MEPE: variants seen among roughly 807,000 people sequenced by gnomAD.
MEPE encodes matrix extracellular phosphoglycoprotein, also known as matrix, extracellular phosphoglycoprotein with ASARM motif (bone).
Under a neutral mutation model 7.3 loss-of-function variants are expected in MEPE, and 7 were observed. The ratio of observed to expected loss-of-function variants is 0.95; its 90% confidence interval spans 0.54 to 1.79. The LOEUF is 1.79. MEPE is among the 40% of genes most tolerant of loss of function. The pLI is 0.00. For missense variants in MEPE, 623 were observed against 628.2 expected, an observed-to-expected ratio of 0.99 and a Z score of 0.09; for synonymous variants, 214 against 213.1, an observed-to-expected ratio of 1.00 and a Z score of -0.04.
chr4:87,840,134 T>C (rs1250904760), intron 3 of MEPE: 24 of 1,459,278 alleles, frequency 1.6e-5, no homozygotes, highest in Non-Finnish European at 2.0e-5. Flanking sequence ...TATTCTACCA[T>C]ATGCTCTGAT....
intron 3 of MEPE, chr4:87,839,875 C>G: frequency 1.9e-6 from 3 of 1,543,014 alleles, no homozygotes; most frequent in Non-Finnish European, 2.6e-6. Flanking sequence ...TTTGCTTGCT[C>G]TGGGGTTTCT....
chr4:87,832,750 A>G (rs1176474042), upstream of MEPE, among the ~76,000 whole-genome samples: 1 of 152,212 alleles, frequency 6.6e-6, no homozygotes, highest in Non-Finnish European at 1.5e-5. Flanking sequence ...CATGATGTCC[A>G]AACTGAGGTA....
rs1723249191 is a variant in MEPE at position 87,846,177 on chromosome 4, C to T, written c.1309C>T (p.Pro437Ser). ...TAGTAAGGGCAAAAGTCAGGGCCTG[C>T]CCATTCCTTCTCGTGGTCTTGATAA... ...FPSKGKSQGL[P>S]IPSRGLDNEI... is the part of the protein sequence containing the mutation. The change falls in exon 4 of 4, where the codon CCC (proline) becomes TCC (serine). Residue 437 changes from proline to serine, a missense_variant. By Grantham distance (74) the Pro-to-Ser change is moderately conservative (BLOSUM62 -1). Coordinates refer to ENST00000361056, the MANE Select transcript of MEPE (RefSeq NM_020203.6). 2 of 1,614,010 alleles carry T rather than the reference C, an allele frequency of 1.2e-6. No homozygotes were observed. Among genetic ancestry groups the T allele is most frequent in the Non-Finnish European group, 1.7e-6 (2 of 1,179,988 alleles).
chr4:87,823,620 A>G (rs1036159418), intron 1 of MEPE, among the ~76,000 whole-genome samples: 9 of 152,368 alleles, frequency 5.9e-5, no homozygotes, highest in African/African-American at 2.2e-4. Flanking sequence ...AGCAGTAAGA[A>G]AACAAATGTT....
In MEPE at chr4:87,845,515, T is replaced by C; in HGVS notation, c.647T>C (p.Ile216Thr). The change falls in exon 4 of 4, where the codon ATT (isoleucine) becomes ACT (threonine). Residue 216 changes from isoleucine (I) to threonine (T), a missense_variant. By Grantham distance (89) the Ile-to-Thr change is moderately conservative (BLOSUM62 -1). Coordinates refer to ENST00000361056, the MANE Select transcript of MEPE (RefSeq NM_020203.6). ...GTAAAAAGCAAAAGCACCCATCGTA[T>C]TCAACACAACATTGACTACCTAAAA... Reference protein sequence around the residue: ...SPVKSKSTHRIQHNIDYLKHL... With the variant: ...SPVKSKSTHRTQHNIDYLKHL... 1.9e-6 allele frequency: 3 copies of C among 1,613,172 alleles called. No homozygotes were observed. The highest frequency in any genetic ancestry group is 2.5e-6 in the Non-Finnish European group (3 of 1,179,796).
At position 87,825,764 on chromosome 4, in the gene MEPE, T is replaced by G. The variant is rs575578869; in HGVS notation, c.-13+4293T>G. Among the ~76,000 whole-genome samples, 3 of 152,294 alleles carry G rather than the reference T, an allele frequency of 2.0e-5. No homozygotes were observed. In the East Asian group the frequency reaches 5.8e-4, roughly 29 times the overall value. On this transcript the variant is annotated intron_variant, in intron 1 of 3. Transcript: ENST00000424957. ...GGGTTTGTTAACGCAGGTAAATGTG[T>G]GTCATGGTGATTTACTGCACAGTAC...
In MEPE at chr4:87,845,426, T is replaced by C. The variant is rs151139138; in HGVS notation, c.558T>C (p.Tyr186=). The C allele has an allele frequency of 1.4e-5, 22 of 1,613,886 alleles. No homozygotes were observed. Among genetic ancestry groups the C allele is most frequent in the Non-Finnish European group, 1.8e-5 (21 of 1,179,994 alleles). The change falls in exon 4 of 4, where the codon TAT becomes TAC. Residue 186 remains tyrosine (Y), a synonymous_variant. Coordinates refer to ENST00000361056, the MANE Select transcript of MEPE (RefSeq NM_020203.6). ...VLNIIPASMN[Y]AKAHSKDKKK... is the part of the protein sequence containing the mutation. ...ACATAATCCCAGCAAGTATGAATTA[T>C]GCTAAAGCACACTCGAAGGATAAAA...
At chr4:87,843,823 T>C (rs1454232999) in intron 3 of MEPE, among the ~76,000 whole-genome samples, 2 of 152,184 alleles carry the variant, frequency 1.3e-5, no homozygotes, top group African/African-American at 4.8e-5. Context: ...GCTTACACCG[T>C]CCACTACATA....
At position 87,846,411 on chromosome 4, in the gene MEPE, G is replaced by A. The variant is rs1723268942; in HGVS notation, c.1543G>A (p.Asp515Asn). The stretch of plus-strand genomic sequence containing the variant: ...AAGGGATGACAGTAGTGAGTCATCT[G>A]ACAGTGGCAGTTCAAGTGAGAGCGA... ...RRRDDSSESS[D>N]SGSSSESDGD The change falls in exon 4 of 4, where the codon GAC (aspartate) becomes AAC (asparagine). Residue 515 changes from aspartate (D) to asparagine (N), a missense_variant. Physicochemically the swap from Asp to Asn is conservative, Grantham distance 23. Coordinates refer to ENST00000361056, the MANE Select transcript of MEPE (RefSeq NM_020203.6). 6.2e-7 allele frequency: 1 copy of A among 1,613,736 alleles called. No homozygotes were observed. The highest frequency in any genetic ancestry group is 1.7e-5 in the Admixed American group (1 of 59,996).
chr4:87,830,367 G>C (rs1271385123), upstream of MEPE, among the ~76,000 whole-genome samples: 1 of 152,090 alleles, frequency 6.6e-6, no homozygotes, highest in South Asian at 2.1e-4. Flanking sequence ...AGAAAATGTG[G>C]TATGTATACA....
chr4:87,834,705 A>G lies in MEPE; in HGVS notation c.-10A>G. On this transcript the variant is annotated splice_region_variant and 5_prime_UTR_variant, in exon 2 of 4. Transcript: ENST00000361056. ...AAGATATTGTTGTCTTTTTACAGAG[A>G]TTCTCAAAGATGCGAGTTTTCTGTG... 1 of 1,612,644 alleles carries G rather than the reference A, an allele frequency of 6.2e-7. No individual in the cohort carries two copies. The highest frequency in any genetic ancestry group is 1.1e-5 in the South Asian group (1 of 90,888).
intron 2 of MEPE, among the ~76,000 whole-genome samples, chr4:87,835,442 G>C (rs1300376188): frequency 2.0e-5 from 3 of 152,236 alleles, no homozygotes; most frequent in Non-Finnish European, 4.4e-5. Flanking sequence ...GTGCTAATTA[G>C]ATAATGTCTG....
Position 87,841,814 on chromosome 4 carries a change from G to C in MEPE, c.108+3129G>C, listed in dbSNP as rs986337287. 4.6e-5 allele frequency among the ~76,000 whole-genome samples: 7 copies of C among 152,234 alleles called. No homozygotes were observed. In the South Asian group the frequency reaches 1.2e-3, roughly 27 times the overall value. On this transcript the variant is annotated intron_variant, in intron 3 of 3. Transcript: ENST00000361056. ...CACTTGGGCAATTCAAGAGCAGGGG[G>C]GTCCAGAGTTTGTCCATCTTCATCT...
chr4:87,839,953 C>G (rs1722952199), intron 3 of MEPE: 3 of 1,535,534 alleles, frequency 2.0e-6, no homozygotes, highest in African/African-American at 1.4e-5. Context: ...TACTACAAAA[C>G]TCTGGGTCCC....
Position 87,845,489 on chromosome 4 carries a change from A to G in MEPE, c.621A>G (p.Pro207=). 2 of 1,613,834 alleles carry G rather than the reference A, an allele frequency of 1.2e-6. No homozygotes were observed. The highest frequency in any genetic ancestry group is 2.2e-5 in the East Asian group (1 of 44,880). The change falls in exon 4 of 4, where the codon CCA becomes CCG. Residue 207 remains proline (P), a synonymous_variant. Transcript: ENST00000361056. ...PQRDSQAQKS[P]VKSKSTHRIQ... The stretch of plus-strand genomic sequence containing the variant: ...GAGATTCCCAAGCCCAGAAAAGTCC[A>G]GTAAAAAGCAAAAGCACCCATCGTA...
At chr4:87,840,121 A>T in intron 3 of MEPE, 1 of 1,500,686 alleles carries the variant, frequency 6.7e-7, no homozygotes, top group Admixed American at 2.1e-5. Flanking sequence ...AGTTTTCTTG[A>T]CATATTCTAC....
upstream of MEPE, among the ~76,000 whole-genome samples, chr4:87,830,745 C>T (rs1264295895): frequency 6.7e-6 from 1 of 150,190 alleles, no homozygotes; most frequent in Non-Finnish European, 1.5e-5. Context: ...ATTTTTTTAA[C>T]AAGAAGACAT....
intron 1 of MEPE, among the ~76,000 whole-genome samples, chr4:87,826,087 T>C (rs1374943623): frequency 6.6e-6 from 1 of 152,154 alleles, no homozygotes; most frequent in Non-Finnish European, 1.5e-5. Flanking sequence ...CAGTATATCA[T>C]TGATGGGCAT....
chr4:87,837,350 C>G (rs1239386639), intron 2 of MEPE, among the ~76,000 whole-genome samples: 2 of 150,478 alleles, frequency 1.3e-5, no homozygotes, highest in Non-Finnish European at 2.9e-5. Flanking sequence ...CTCTCTCCTT[C>G]CCCCCCTCCA....
Sources: gnomAD v4.1 joint callset for allele counts (sites outside exome capture counted in the v4.1 genomes callset) on GRCh38, gnomAD v4.1.1 for gene constraint, MANE v1.5 for transcripts, NCBI Gene and HGNC (gene_info 2026-07-23, HGNC 2026-07-21) for gene names.